The following LYST variants were observed in gnomAD, a reference collection of about 807,000 sequenced individuals.
LYST encodes the protein lysosomal trafficking regulator, also known as lysosomal-trafficking regulator.
Under a neutral mutation model 413.6 loss-of-function variants are expected in LYST, and 192 were observed. The ratio of observed to expected loss-of-function variants is 0.46; its 90% CI spans 0.41 to 0.52. The LOEUF is 0.52. LYST is among the 20% of genes least tolerant of loss of function. LYST has a pLI of 0.00. For synonymous variants in LYST, 1,525 were observed against 1,567.3 expected, an observed-to-expected ratio of 0.97 and a Z score of 0.64; for missense variants, 3,815 against 4,499.9, an observed-to-expected ratio of 0.85 and a Z score of 4.35.
intron 10 of LYST, among the ~76,000 whole-genome samples, chr1:235,793,963 G>A (rs1671299946): frequency 6.6e-6 from 1 of 152,068 alleles, no homozygotes; most frequent in South Asian, 2.1e-4. Flanking sequence ...CTCCCGAGGA[G>A]CTGGGACTAC....
rs901987010 is a variant in LYST, at chr1:235,686,195, C to T, written c.10800+754G>A. Among the ~76,000 whole-genome samples, 8 of 151,694 alleles carry T rather than the reference C, an allele frequency of 5.3e-5. No individual in the cohort carries two copies. The highest frequency in any genetic ancestry group is 1.9e-4 in the African/African-American group (8 of 41,282). Reference sequence around the variant, plus strand: ...CAGCCTGGCCAACATGGCAAAACCCCATCTCTACTAAAACTACAAAACTTG... The same window carrying T: ...CAGCCTGGCCAACATGGCAAAACCCTATCTCTACTAAAACTACAAAACTTG... On this transcript the variant is annotated intron_variant, in intron 48 of 52. Coordinates refer to ENST00000389793, the MANE Select transcript of LYST (RefSeq NM_000081.4). The surrounding 1 kb of genome is among the most constrained non-coding windows in gnomAD (Gnocchi z 4.0).
At chr1:235,731,611 T>G (rs1386322996) in intron 34 of LYST, among the ~76,000 whole-genome samples, 1 of 147,636 alleles carries the variant, frequency 6.8e-6, no homozygotes, top group Non-Finnish European at 1.5e-5. Context: ...CAGGCTGGAG[T>G]GCAGTGGCGT....
chr1:235,731,718 G>C (rs1176672963), intron 34 of LYST, among the ~76,000 whole-genome samples: 1 of 151,786 alleles, frequency 6.6e-6, no homozygotes, highest in Non-Finnish European at 1.5e-5. Flanking sequence ...ACCACACCTG[G>C]CTAATTTTTG....
intron 1 of LYST, among the ~76,000 whole-genome samples, chr1:235,879,210 T>C (rs566268441): frequency 1.3e-5 from 2 of 152,346 alleles, no homozygotes; most frequent in African/African-American, 4.8e-5. Flanking sequence ...GTGAGTATCC[T>C]ACCCACTTGT....
chr1:235,746,370 G>T lies in LYST; in HGVS notation c.7938C>A (p.Leu2646=). The change falls in exon 29 of 53, where the codon CTC becomes CTA. Residue 2646 remains leucine (L), a synonymous_variant. Coordinates refer to ENST00000389793, the MANE Select transcript of LYST (RefSeq NM_000081.4). The part of the protein sequence containing the change: ...ETELAQRLQR[L]TVLAVNRIIY... ...TAATCCTGTTGACTGCTAAAACAGT[G>T]AGCCTCTGTAGTCTCTGCGCAAGTT... The T allele has an allele frequency of 2.5e-6, 4 of 1,613,900 alleles. No individual in the cohort carries two copies. Among genetic ancestry groups the T allele is most frequent in the Non-Finnish European group, 3.4e-6 (4 of 1,179,882 alleles).
At position 235,715,338 on chromosome 1, in the gene LYST, C is replaced by T. The variant is rs911153079; in HGVS notation, c.9647G>A (p.Arg3216His). 7.4e-6 allele frequency: 12 copies of T among 1,613,694 alleles called. No homozygotes were observed. Among genetic ancestry groups the T allele is most frequent in the South Asian group, 3.3e-5 (3 of 91,064 alleles). Reference protein sequence around the residue: ...DTYKYLEEEYRKGAREDDPMP... With the variant: ...DTYKYLEEEYHKGAREDDPMP... ...GGGGTCATCTTCTCTGGCTCCTTTG[C>T]GGTACTCTTCCTCCAAGTACTGAAA... The change falls in exon 42 of 53, where the codon CGC becomes CAC. Residue 3216 changes from arginine to histidine, a missense_variant. Arg to His is a conservative substitution (Grantham distance 29). Transcript: ENST00000389793.
At chr1:235,820,457 C>T (rs1418703345) in intron 3 of LYST, among the ~76,000 whole-genome samples, 4 of 152,038 alleles carry the variant, frequency 2.6e-5, no homozygotes, top group African/African-American at 9.7e-5. Flanking sequence ...GCAACCTCCA[C>T]TGCCCAGGCT....
intron 24 of LYST, among the ~76,000 whole-genome samples, chr1:235,755,884 C>T (rs1212027597): frequency 6.6e-6 from 1 of 152,054 alleles, no homozygotes; most frequent in Non-Finnish European, 1.5e-5. Context: ...GGGAAACTGG[C>T]ATTTTTAGCT....
chr1:235,700,034 T>C (rs1169220491), intron 45 of LYST, among the ~76,000 whole-genome samples: 2 of 152,152 alleles, frequency 1.3e-5, no homozygotes, highest in Admixed American at 6.5e-5. Context: ...TGGCTAGCCA[T>C]ATGCAGAAAA....
intron 41 of LYST, among the ~76,000 whole-genome samples, chr1:235,715,631 C>A (rs578012371): frequency 6.6e-6 from 1 of 152,190 alleles, no homozygotes; most frequent in South Asian, 2.1e-4. Flanking sequence ...TAACTTTGAG[C>A]ACTCCACCTC....
At chr1:235,779,013 T>C (rs1158064617) in intron 16 of LYST, among the ~76,000 whole-genome samples, 1 of 151,760 alleles carries the variant, frequency 6.6e-6, no homozygotes, top group Non-Finnish European at 1.5e-5. Flanking sequence ...ATTACAGGCA[T>C]CTGCCACCAT....
intron 1 of LYST, among the ~76,000 whole-genome samples, chr1:235,838,108 T>G (rs932574820): frequency 6.6e-6 from 1 of 152,094 alleles, no homozygotes; most frequent in Non-Finnish European, 1.5e-5. Flanking sequence ...TATTTGGCAA[T>G]AGGAGGACCA....
intron 47 of LYST, among the ~76,000 whole-genome samples, chr1:235,689,043 A>G (rs888905772): frequency 6.8e-6 from 1 of 147,172 alleles, no homozygotes; most frequent in African/African-American, 2.5e-5. Flanking sequence ...AACAACAACA[A>G]CAACAATAAT....
chr1:235,853,966 T>TAGAG (rs543711695), intron 1 of LYST, among the ~76,000 whole-genome samples: 8 of 152,094 alleles, frequency 5.3e-5, no homozygotes, highest in African/African-American at 1.9e-4. Context: ...ATTGTAGCTA[T>TAGAG]AGAGAGAGAG....
chr1:235,704,201 G>A (rs776806941), intron 44 of LYST, among the ~76,000 whole-genome samples: 22 of 152,240 alleles, frequency 1.4e-4, no homozygotes, highest in Non-Finnish European at 2.5e-4. Flanking sequence ...ATTGTGACTA[G>A]TGCTGCAGTG....
At chr1:235,837,067 T>C (rs1676655012) in intron 1 of LYST, among the ~76,000 whole-genome samples, 2 of 152,278 alleles carry the variant, frequency 1.3e-5, no homozygotes, top group Admixed American at 6.5e-5. Context: ...TGCCACACAA[T>C]ATAGCAGACA....
chr1:235,773,747 A>G, intron 19 of LYST, 95 bp downstream of exon 19: 1 of 948,266 alleles, frequency 1.1e-6, no homozygotes, highest in Non-Finnish European at 1.7e-6. Context: ...ACTTAATGCC[A>G]CTGAACTGAA....
chr1:235,786,659 T>C (rs575210211), intron 14 of LYST, among the ~76,000 whole-genome samples: 2 of 152,086 alleles, frequency 1.3e-5, no homozygotes, highest in South Asian at 2.1e-4. Context: ...CAAATGTCCA[T>C]CAATGATAGA....
chr1:235,760,967 A>G (rs141259783), intron 22 of LYST, among the ~76,000 whole-genome samples: 158 of 152,300 alleles, frequency 1.0e-3, no homozygotes, highest in Admixed American at 8.9e-3. Flanking sequence ...AAACTAATTC[A>G]AAAAGGCCAG....
Sources: gnomAD v4.1 joint callset for allele counts (sites outside exome capture counted in the v4.1 genomes callset) on GRCh38, gnomAD v4.1.1 for gene constraint, Gnocchi (gnomAD v3.1) non-coding constraint, MANE v1.5 for transcripts, NCBI Gene and HGNC (gene_info 2026-07-23, HGNC 2026-07-21) for gene names.